NLRP2: variants seen among roughly 807,000 people sequenced by gnomAD.
NLRP2 encodes the protein NACHT, LRR and PYD domains-containing protein 2.
Under a neutral mutation model 97.2 loss-of-function variants are expected in NLRP2, and 107 were observed. The observed-to-expected ratio is 1.10, with a 90% confidence interval of 0.94 to 1.29. The LOEUF (loss-of-function observed/expected upper bound fraction) is 1.29, where lower values mean the gene tolerates loss of function less well. Among genes scored for constraint, NLRP2 ranks in the 50% most tolerant of loss-of-function variants. The pLI, the probability that NLRP2 is intolerant of heterozygous loss-of-function variation, is 0.00. For synonymous variants in NLRP2, 663 were observed against 551.5 expected (o/e 1.20, Z -2.83); for missense variants, 1,495 against 1,330.3 (o/e 1.12, Z -1.93).
intron 12 of NLRP2, among the ~76,000 whole-genome samples, 168 bp from the exon 13 acceptor site, chr19:55,000,592 T>TA (rs34129339): frequency 0.018 from 2,105 of 119,896 alleles, 46 homozygotes; most frequent in African/African-American, 0.057. Context: ...GACTGTCTTT[T>TA]AAAAAAAAAA....
intron 12 of NLRP2, among the ~76,000 whole-genome samples, chr19:54,998,391 T>C (rs2072959809): frequency 6.6e-6 from 1 of 152,036 alleles, no homozygotes; most frequent in Admixed American, 6.6e-5. Context: ...CTTCAGAAAT[T>C]CTCACAAGCA....
chr19:54,978,504 C>T (rs894344351), intron 4 of NLRP2, among the ~76,000 whole-genome samples: 2 of 152,084 alleles, frequency 1.3e-5, no homozygotes, highest in African/African-American at 4.8e-5. Flanking sequence ...CCAAGTCTCC[C>T]GAAGTGCTGG....
At chr19:54,998,438 A>G (rs1437848990) in intron 12 of NLRP2, among the ~76,000 whole-genome samples, 1 of 152,142 alleles carries the variant, frequency 6.6e-6, no homozygotes, top group Non-Finnish European at 1.5e-5. Flanking sequence ...ATCTTTATGT[A>G]GAAGAAACAT....
rs767321068 is a variant in NLRP2 at position 54,986,180 on chromosome 19, A to G, written c.2231A>G (p.His744Arg). 13 of 1,613,654 alleles carry G rather than the reference A, an allele frequency of 8.1e-6. No homozygotes were observed. Among genetic ancestry groups the G allele is most frequent in the South Asian group, 2.2e-5 (2 of 91,068 alleles). The change falls in exon 8 of 13, where the codon CAT becomes CGT. Residue 744 changes from histidine (H) to arginine (R), a missense_variant. Physicochemically the swap from His to Arg is conservative, Grantham distance 29 (BLOSUM62 0). Coordinates refer to ENST00000448584, the MANE Select transcript of NLRP2 (RefSeq NM_017852.5). The part of the protein sequence containing the change: ...VFKNISPADA[H>R]RNLCLALRGH... ...AAAAACATTTCCCCAGCTGATGCTC[A>G]TCGGAACCTCTGCCTAGCTCTTCGA...
rs138390926 is a variant in NLRP2, at chr19:54,969,045, T to C, written c.-17-954T>C. Among the ~76,000 whole-genome samples, 758 of 152,246 alleles carry C rather than the reference T, an allele frequency of 5.0e-3. 3 individuals carry two copies. Among genetic ancestry groups the C allele is most frequent in the African/African-American group, 0.017 (715 of 41,542 alleles). On this transcript the variant is annotated intron_variant, in intron 1 of 12. Coordinates refer to ENST00000448584, the MANE Select transcript of NLRP2 (RefSeq NM_017852.5). ...TTCAGCCCAGTTTTCACGAAGTTTC[T>C]TGTCTCCTGGGTGATCCACGTAGCT...
upstream of NLRP2, chr19:54,966,190 G>T (rs1375160477): frequency 6.6e-6 from 1 of 151,536 alleles, no homozygotes; most frequent in African/African-American, 2.4e-5. Flanking sequence ...ATCTCTAGGC[G>T]TTCGTGCTTT....
At chr19:54,973,707 T>C in intron 2 of NLRP2, 1 of 409,846 alleles carries the variant, frequency 2.4e-6, no homozygotes. Flanking sequence ...CTCCGGAGGT[T>C]ACAAGTTTGA....
chr19:54,994,138 C>T, intron 10 of NLRP2, 131 bp from the exon 11 acceptor site: 3 of 986,034 alleles, frequency 3.0e-6, no homozygotes, highest in Non-Finnish European at 3.2e-6. Context: ...CACCACACCA[C>T]CCCATGATTC....
intron 1 of NLRP2, 120 bp from the exon 2 acceptor site, chr19:54,969,879 G>C (rs1602292845): frequency 2.0e-6 from 2 of 990,492 alleles, no homozygotes; most frequent in Non-Finnish European, 3.1e-6. Flanking sequence ...CTGGGAGTTT[G>C]TTCTTGAAGA....
intron 12 of NLRP2, among the ~76,000 whole-genome samples, chr19:54,999,427 G>T (rs1200159943): frequency 6.6e-6 from 1 of 152,258 alleles, no homozygotes; most frequent in South Asian, 2.1e-4. Context: ...GATTACAGGC[G>T]TGAGCCACCA....
rs1157138794 is a variant in NLRP2 at position 55,000,270 on chromosome 19, C to CTTTTTTT, written c.3051-457_3051-451dup. On this transcript the variant is annotated intron_variant, in intron 12 of 12. Coordinates refer to ENST00000448584, the MANE Select transcript of NLRP2 (RefSeq NM_017852.5). ...CCAGCTTGGGCAACAGAGAGACTGT[C>CTTTTTTT]TTTTTTTTTTTTTTTTTTTTTTTTT... 3.6e-3 allele frequency among the ~76,000 whole-genome samples: 131 copies of CTTTTTTT among 36,026 alleles called. 46 individuals carry two copies. The highest frequency in any genetic ancestry group is 5.9e-3 in the East Asian group (4 of 674). 23.6% of individuals were successfully genotyped at this position (36,026 alleles called of 152,430 possible).
At chr19:54,971,090 T>C (rs1193242492) in intron 2 of NLRP2, among the ~76,000 whole-genome samples, 1 of 148,872 alleles carries the variant, frequency 6.7e-6, no homozygotes, top group African/African-American at 2.5e-5. Context: ...TTTGTTCTTG[T>C]GATAGTTTAC....
At chr19:54,974,453 T>A (rs375318597) in intron 2 of NLRP2, 47 bp from the exon 3 acceptor site, 3 of 1,431,198 alleles carry the variant, frequency 2.1e-6, no homozygotes, top group African/African-American at 2.8e-5. Flanking sequence ...AATAAAATCT[T>A]GAGCTTATGG....
rs2073069158 is a variant in NLRP2 at position 54,999,638 on chromosome 19, T to A, written c.3051-1122T>A. Among the ~76,000 whole-genome samples, 3 of 140,008 alleles carry A rather than the reference T, an allele frequency of 2.1e-5. No homozygotes were observed. The Admixed American group carries it at 2.2e-4, about 10-fold the overall frequency. 91.9% of individuals were successfully genotyped at this position (140,008 alleles called of 152,430 possible). ...ATACCATTACAAGGTTAACCTGATG[T>A]TATGTTTTTCTCTATCAGATCAACA... On this transcript the variant is annotated intron_variant, in intron 12 of 12. Coordinates refer to ENST00000448584, the MANE Select transcript of NLRP2 (RefSeq NM_017852.5).
chr19:54,981,861 C>T (rs1274158597), intron 5 of NLRP2, among the ~76,000 whole-genome samples, 179 bp downstream of exon 5: 1 of 152,046 alleles, frequency 6.6e-6, no homozygotes, highest in Non-Finnish European at 1.5e-5. Flanking sequence ...TCACTGCAAC[C>T]TCCGCCTCCC....
At chr19:54,984,711 G>A (rs1333046129) in intron 6 of NLRP2, among the ~76,000 whole-genome samples, 2 of 151,642 alleles carry the variant, frequency 1.3e-5, no homozygotes, top group Non-Finnish European at 2.9e-5. Context: ...TCGAACTCCC[G>A]ACCTCAGGTG....
rs1304427798 is a variant in NLRP2 at position 54,984,317 on chromosome 19, G to GT, written c.2030+598dup. Among the ~76,000 whole-genome samples, 468 of 78,746 alleles carry GT rather than the reference G, an allele frequency of 5.9e-3. 12 individuals are homozygous for GT. Among genetic ancestry groups the GT allele is most frequent in the African/African-American group, 0.024 (437 of 18,440 alleles). 51.7% of individuals were successfully genotyped at this position (78,746 alleles called of 152,430 possible). ...TCATGTCCAGCTAACTTAAGTGGGGGTTTTTTTTTGTGTTTTTTTTTTTTT... is the reference window on the plus strand; with the variant it reads ...TCATGTCCAGCTAACTTAAGTGGGGGTTTTTTTTTTGTGTTTTTTTTTTTTT... On this transcript the variant is annotated intron_variant, in intron 6 of 12. Coordinates refer to ENST00000448584, the MANE Select transcript of NLRP2 (RefSeq NM_017852.5).
chr19:54,982,125 G>A, intron 5 of NLRP2, 37 bp from the exon 6 acceptor site: 3 of 1,613,086 alleles, frequency 1.9e-6, no homozygotes, highest in South Asian at 2.2e-5. Context: ...GTAACTGATT[G>A]CATCCTCTCT....
chr19:54,992,116 C>T (rs968596465), intron 10 of NLRP2, among the ~76,000 whole-genome samples: 8 of 151,508 alleles, frequency 5.3e-5, no homozygotes, highest in Non-Finnish European at 1.0e-4. Flanking sequence ...GGGATTTCAC[C>T]ATGTTGGCCA....
Sources: allele counts gnomAD v4.1 joint callset (sites outside exome capture counted in the v4.1 genomes callset), GRCh38; gene constraint gnomAD v4.1.1; transcripts MANE v1.5; gene names NCBI Gene and HGNC (gene_info 2026-07-23, HGNC 2026-07-21).